The following CUL1 variants were observed in gnomAD, a reference collection of about 807,000 sequenced individuals.
CUL1 encodes cullin 1.
In CUL1, 24 loss-of-function variants were observed where a neutral mutation model predicts 118.0. The ratio of observed to expected loss-of-function variants is 0.20; its 90% CI spans 0.15 to 0.29. The LOEUF is 0.29. Among genes scored for constraint, CUL1 ranks in the 10% least tolerant of loss-of-function variants. The probability of loss-of-function intolerance (pLI) is 1.00; values close to 1 mark genes in which losing one functional copy is unlikely to be tolerated. For synonymous variants in CUL1, 332 were observed against 340.4 expected (o/e 0.98, Z 0.27); for missense variants, 361 against 933.8 (o/e 0.39, Z 7.99).
intron 2 of CUL1, among the ~76,000 whole-genome samples, chr7:148,735,443 G>T (rs1001158874): frequency 2.0e-4 from 30 of 152,362 alleles, no homozygotes; most frequent in African/African-American, 7.0e-4. Flanking sequence ...CTGCAGGGGA[G>T]TGCTCAGGTG....
chr7:148,791,227 T>TCA (rs1388253200), intron 16 of CUL1, among the ~76,000 whole-genome samples: 1 of 152,212 alleles, frequency 6.6e-6, no homozygotes, highest in Non-Finnish European at 1.5e-5. Flanking sequence ...TGAGTGGTCT[T>TCA]CACAAGTAAT....
At chr7:148,762,638 A>G (rs1799870286) in intron 7 of CUL1, among the ~76,000 whole-genome samples, 1 of 152,242 alleles carries the variant, frequency 6.6e-6, no homozygotes, top group Non-Finnish European at 1.5e-5. Context: ...TCTGCTGTAT[A>G]TGGTGATTCT....
At chr7:148,756,475 A>G (rs1026702497) in intron 3 of CUL1, among the ~76,000 whole-genome samples, 4 of 152,118 alleles carry the variant, frequency 2.6e-5, no homozygotes, top group Non-Finnish European at 4.4e-5. Flanking sequence ...AGCTGGGACT[A>G]CAGGCATGTG....
chr7:148,798,045 G>T, intron 19 of CUL1, 26 bp downstream of exon 19: 2 of 1,394,546 alleles, frequency 1.4e-6, no homozygotes, highest in Non-Finnish European at 2.0e-6. Flanking sequence ...TAAGTAGATG[G>T]CCCTTGACCA....
chr7:148,737,429 A>G (rs1798986596), intron 2 of CUL1, among the ~76,000 whole-genome samples: 1 of 151,926 alleles, frequency 6.6e-6, no homozygotes, highest in Non-Finnish European at 1.5e-5. Context: ...CACAGACTGG[A>G]CAGGACTTTA....
intron 1 of CUL1, among the ~76,000 whole-genome samples, chr7:148,722,456 C>G (rs749782850): frequency 1.3e-5 from 2 of 152,176 alleles, no homozygotes; most frequent in Non-Finnish European, 2.9e-5. Flanking sequence ...CCATAAAGAC[C>G]AAGACCCCTT....
At chr7:148,710,927 C>T (rs1464334397) in intron 1 of CUL1, among the ~76,000 whole-genome samples, 1 of 152,088 alleles carries the variant, frequency 6.6e-6, no homozygotes, top group African/African-American at 2.4e-5. Context: ...CTCGGCCTCC[C>T]AAAGTACTGA....
At chr7:148,768,529 C>T (rs1240312358) in intron 9 of CUL1, among the ~76,000 whole-genome samples, 1 of 151,706 alleles carries the variant, frequency 6.6e-6, no homozygotes, top group African/African-American at 2.4e-5. Flanking sequence ...GGATTACAGC[C>T]GCTCGCCACC....
chr7:148,742,302 A>G (rs1443699099), intron 2 of CUL1, among the ~76,000 whole-genome samples: 1 of 152,188 alleles, frequency 6.6e-6, no homozygotes, highest in Non-Finnish European at 1.5e-5. Flanking sequence ...AGGCCTCACA[A>G]TCATGGTAGA....
At chr7:148,788,739 G>T in intron 14 of CUL1, 65 bp downstream of exon 14, 4 of 1,067,168 alleles carry the variant, frequency 3.7e-6, no homozygotes, top group South Asian at 2.7e-5. Context: ...ATGAAGAAAT[G>T]ACAAAATATT....
chr7:148,749,507 A>T, intron 2 of CUL1, among the ~76,000 whole-genome samples: 1 of 152,156 alleles, frequency 6.6e-6, no homozygotes. Flanking sequence ...TTCTTTAAAA[A>T]ACCGACAAGC....
At chr7:148,770,125 T>C (rs1563164448) in intron 9 of CUL1, among the ~76,000 whole-genome samples, 1 of 152,246 alleles carries the variant, frequency 6.6e-6, no homozygotes, top group Non-Finnish European at 1.5e-5. Context: ...CTCGATCAGT[T>C]AAAGCAAAAG....
At chr7:148,736,030 C>T (rs1215223026) in intron 2 of CUL1, among the ~76,000 whole-genome samples, 1 of 141,976 alleles carries the variant, frequency 7.0e-6, no homozygotes, top group African/African-American at 2.6e-5. Context: ...AAAAAAAAGC[C>T]AGGTGTGGTA....
At chr7:148,724,740 C>T (rs903535369) in intron 1 of CUL1, among the ~76,000 whole-genome samples, 1 of 152,238 alleles carries the variant, frequency 6.6e-6, no homozygotes, top group South Asian at 2.1e-4. Context: ...ACGCCCGAAA[C>T]GCGTGGACAT....
chr7:148,755,317 G>A (rs574676351), intron 3 of CUL1, among the ~76,000 whole-genome samples: 4 of 152,300 alleles, frequency 2.6e-5, no homozygotes, highest in East Asian at 3.9e-4. Context: ...GAGTGAAGAC[G>A]TCTATACTGT....
At chr7:148,790,199 T>G (rs1800957795) in intron 15 of CUL1, 111 bp from the exon 16 acceptor site, 1 of 1,180,508 alleles carries the variant, frequency 8.5e-7, no homozygotes, top group South Asian at 1.3e-5. Context: ...TTTACTTTTA[T>G]GTAAGCACTG....
At chr7:148,775,893 G>T (rs562933912) in intron 9 of CUL1, among the ~76,000 whole-genome samples, 3 of 151,062 alleles carry the variant, frequency 2.0e-5, no homozygotes, top group Non-Finnish European at 4.4e-5. Flanking sequence ...AGTTCAGGTC[G>T]GTAATGGCCT....
In CUL1 at chr7:148,787,848, C is replaced by T. The variant is rs1320389157; in HGVS notation, c.1480-709C>T. Among the ~76,000 whole-genome samples the T allele has an allele frequency of 6.6e-6, 1 of 152,230 alleles. No individual in the cohort carries two copies. The highest frequency in any genetic ancestry group is 2.4e-5 in the African/African-American group (1 of 41,458). On this transcript the variant is annotated intron_variant, in intron 13 of 21. Coordinates refer to ENST00000325222, the MANE Select transcript of CUL1 (RefSeq NM_003592.3). This position sits in a 1 kb window ranked among gnomAD's most constrained non-coding sequence, Gnocchi z 5.5. ...TTGCGTGCCTGTGTGTCGGCGCTGT[C>T]GAGTGCTCTTATCTGACTTGGGACA... is the stretch of plus-strand genomic sequence containing the variant.
chr7:148,782,893 C>T (rs1800689194), intron 9 of CUL1, among the ~76,000 whole-genome samples: 1 of 152,188 alleles, frequency 6.6e-6, no homozygotes, highest in South Asian at 2.1e-4. Flanking sequence ...GAGCTCCCTC[C>T]CACCAACCTT....
Sources: gnomAD v4.1 joint callset for allele counts (sites outside exome capture counted in the v4.1 genomes callset) on GRCh38, gnomAD v4.1.1 for gene constraint, Gnocchi (gnomAD v3.1) non-coding constraint, MANE v1.5 for transcripts, NCBI Gene and HGNC (gene_info 2026-07-23, HGNC 2026-07-21) for gene names.